FHIT: variants seen among roughly 807,000 people sequenced by gnomAD.
The protein encoded by FHIT is fragile histidine triad diadenosine triphosphatase, also known as bis(5'-adenosyl)-triphosphatase.
FHIT carries 19 observed loss-of-function variants against 17.9 expected under a neutral mutation model. The observed-to-expected ratio is 1.06, with a 90% CI of 0.74 to 1.56. The LOEUF is 1.56. FHIT is among the 40% of genes most tolerant of loss of function. The pLI, the probability that FHIT is intolerant of heterozygous loss-of-function variation, is 0.00. For synonymous variants in FHIT, 81 were observed against 69.7 expected, an observed-to-expected ratio of 1.16 and a Z score of -0.81; for missense variants, 248 against 189.2, an observed-to-expected ratio of 1.31 and a Z score of -1.82.
At chr3:59,901,214 G>T (rs1704314602) in intron 8 of FHIT, among the ~76,000 whole-genome samples, 1 of 152,188 alleles carries the variant, frequency 6.6e-6, no homozygotes, top group Non-Finnish European at 1.5e-5. Context: ...AAATAGTGAA[G>T]AATATGAGAG....
intron 5 of FHIT, among the ~76,000 whole-genome samples, chr3:60,286,810 A>G (rs1347627502): frequency 6.6e-6 from 1 of 152,184 alleles, no homozygotes; most frequent in East Asian, 1.9e-4. Context: ...GCAATAATCC[A>G]GAGATCAATT....
intron 3 of FHIT, among the ~76,000 whole-genome samples, chr3:61,030,696 A>T (rs1195660045): frequency 6.6e-6 from 1 of 152,226 alleles, no homozygotes; most frequent in Non-Finnish European, 1.5e-5. Flanking sequence ...GACAAAAATT[A>T]AAAAACAAAG....
chr3:60,817,040 G>T (rs1013309561), intron 4 of FHIT, among the ~76,000 whole-genome samples: 4 of 151,366 alleles, frequency 2.6e-5, no homozygotes, highest in African/African-American at 9.7e-5. Context: ...ATTTTCAGTG[G>T]TTTTTCTAGG....
chr3:60,859,764 C>A (rs1553750870), intron 3 of FHIT, among the ~76,000 whole-genome samples: 1 of 57,690 alleles, frequency 1.7e-5, no homozygotes, highest in Non-Finnish European at 3.0e-5. Context: ...TTTTTTTTTG[C>A]CGAGCACGGT....
intron 2 of FHIT, among the ~76,000 whole-genome samples, chr3:61,187,119 A>G (rs2038539001): frequency 6.6e-6 from 1 of 152,204 alleles, no homozygotes; most frequent in Non-Finnish European, 1.5e-5. Flanking sequence ...TATTGAATGC[A>G]TCAGTCAGTC....
chr3:60,592,259 A>ACTCT (rs201487171), intron 4 of FHIT, among the ~76,000 whole-genome samples: 4 of 143,132 alleles, frequency 2.8e-5, no homozygotes, highest in South Asian at 2.1e-4. Context: ...TACTATATAT[A>ACTCT]CTCTCTCTCT....
At chr3:60,150,394 G>C (rs903095677) in intron 5 of FHIT, among the ~76,000 whole-genome samples, 3 of 152,138 alleles carry the variant, frequency 2.0e-5, no homozygotes, top group Non-Finnish European at 4.4e-5. Flanking sequence ...CCCTACCCTA[G>C]TGGGGATATG....
intron 4 of FHIT, among the ~76,000 whole-genome samples, chr3:60,701,467 G>C (rs2041245519): frequency 6.6e-6 from 1 of 152,114 alleles, no homozygotes; most frequent in South Asian, 2.1e-4. Context: ...TAATGTGGTG[G>C]ATAGGGGGTC....
chr3:59,788,323 T>C (rs1407056671), intron 8 of FHIT, among the ~76,000 whole-genome samples: 2 of 152,146 alleles, frequency 1.3e-5, no homozygotes, highest in Non-Finnish European at 2.9e-5. Context: ...GGCTGGCCAG[T>C]CAACTCCCAA....
At chr3:59,906,492 A>G (rs1704590924) in intron 8 of FHIT, among the ~76,000 whole-genome samples, 1 of 152,216 alleles carries the variant, frequency 6.6e-6, no homozygotes. Context: ...ACCCCTAAAA[A>G]TTAAAAACAT....
At chr3:60,870,800 C>T (rs1298537272) in intron 3 of FHIT, among the ~76,000 whole-genome samples, 1 of 152,088 alleles carries the variant, frequency 6.6e-6, no homozygotes, top group Non-Finnish European at 1.5e-5. Flanking sequence ...CCGCGTCTCA[C>T]AAACTTGGGT....
chr3:60,118,550 T>A (rs544694380), intron 5 of FHIT, among the ~76,000 whole-genome samples: 9 of 152,074 alleles, frequency 5.9e-5, no homozygotes, highest in Non-Finnish European at 1.2e-4. Context: ...CTTCCTACAG[T>A]GCTTTCTTCA....
chr3:60,979,371 C>A (rs1710391731), intron 3 of FHIT, among the ~76,000 whole-genome samples: 2 of 152,170 alleles, frequency 1.3e-5, no homozygotes, highest in South Asian at 4.1e-4. Context: ...TTAATGCCAG[C>A]CTTCTCCAAC....
In FHIT at chr3:61,163,690, G is replaced by A. The variant is rs189714524; in HGVS notation, c.-164+36927C>T. ...AAAGAGAAAAATCTGAATAAAGAAGGCTTGCTAAGTTCCCCCCAGTTTATT... is the reference window on the plus strand; with the variant it reads ...AAAGAGAAAAATCTGAATAAAGAAGACTTGCTAAGTTCCCCCCAGTTTATT... On this transcript the variant is annotated intron_variant, in intron 2 of 9. Coordinates refer to ENST00000492590, the MANE Select transcript of FHIT (RefSeq NM_002012.4). 9.0e-4 allele frequency among the ~76,000 whole-genome samples: 137 copies of A among 152,124 alleles called. 1 individual carries two copies. The highest frequency in any genetic ancestry group is 2.0e-3 in the Admixed American group (31 of 15,268).
At chr3:60,981,295 C>CTTTTTTTTTTTTTTT (rs71100934) in intron 3 of FHIT, among the ~76,000 whole-genome samples, 1 of 124,500 alleles carries the variant, frequency 8.0e-6, no homozygotes. Context: ...TTCTTCCTTC[C>CTTTTTTTTTTTTTTT]TTTTTTTTTT....
In FHIT at chr3:60,961,988, G is replaced by C. The variant is rs371802267; in HGVS notation, c.-111+80059C>G. On this transcript the variant is annotated intron_variant, in intron 3 of 9. Coordinates refer to ENST00000492590, the MANE Select transcript of FHIT (RefSeq NM_002012.4). ...AAGGAAGTCATTGGTAGCTTGATGG[G>C]GATGGCGTTGAATCTATAAATTGCC... 3.3e-5 allele frequency among the ~76,000 whole-genome samples: 5 copies of C among 152,252 alleles called. No homozygotes were observed. In the South Asian group the frequency reaches 1.0e-3, roughly 32 times the overall value.
chr3:60,539,344 G>A (rs997122340), intron 4 of FHIT, among the ~76,000 whole-genome samples: 6 of 152,180 alleles, frequency 3.9e-5, no homozygotes, highest in Non-Finnish European at 8.8e-5. Context: ...CACTGTTGCT[G>A]GGACTGTAAA....
In FHIT at chr3:60,828,827, G is replaced by A. The variant is rs139576630; in HGVS notation, c.-110-6816C>T. On this transcript the variant is annotated intron_variant, in intron 3 of 9. Transcript: ENST00000492590. ...CGGGAGGCAGAGGTTGCAGTGAGCC[G>A]AGATGGTGCCACTGAACTCCAGCCT... Among the ~76,000 whole-genome samples the A allele has an allele frequency of 6.4e-4, 98 of 152,270 alleles. No individual in the cohort carries two copies. In the East Asian group the frequency reaches 0.015, roughly 24 times the overall value.
At chr3:61,229,579 T>C (rs1389586774) in intron 1 of FHIT, among the ~76,000 whole-genome samples, 5 of 152,226 alleles carry the variant, frequency 3.3e-5, no homozygotes, top group African/African-American at 1.2e-4. Flanking sequence ...CTAATAACTC[T>C]AGCCCTCTGA....
Sources: gnomAD v4.1 joint callset for allele counts (sites outside exome capture counted in the v4.1 genomes callset) on GRCh38, gnomAD v4.1.1 for gene constraint, MANE v1.5 for transcripts, NCBI Gene and HGNC (gene_info 2026-07-23, HGNC 2026-07-21) for gene names.